The following NTF3 variants were observed in gnomAD, a reference collection of about 807,000 sequenced individuals.
NTF3 encodes neurotrophin-3.
In NTF3, 8 loss-of-function variants were observed where a neutral mutation model predicts 26.3. That is an observed-to-expected ratio of 0.30 (90% CI 0.18 to 0.55). NTF3 has a LOEUF of 0.55. Ranked by LOEUF, NTF3 falls within the 20% of genes least tolerant of loss-of-function variation. The probability of loss-of-function intolerance (pLI) is 0.93; values close to 1 mark genes in which losing one functional copy is unlikely to be tolerated. For synonymous variants in NTF3, 154 were observed against 145.5 expected (o/e 1.06, Z -0.42); for missense variants, 276 against 352.9 (o/e 0.78, Z 1.75).
chr12:5,459,227 T>C (rs12301558), intron 1 of NTF3, among the ~76,000 whole-genome samples: 2,534 of 152,292 alleles, frequency 0.017, 86 homozygotes, highest in African/African-American at 0.057. Flanking sequence ...TCAAATGAGA[T>C]GACGTCAGAG....
chr12:5,491,961 A>G (rs867315085), intron 1 of NTF3, among the ~76,000 whole-genome samples: 2 of 151,662 alleles, frequency 1.3e-5, no homozygotes, highest in Admixed American at 1.3e-4. Flanking sequence ...TGATCCACCC[A>G]CCTCGGCCTC....
At chr12:5,431,268 T>A (rs1017057880), upstream of NTF3, among the ~76,000 whole-genome samples, 5 of 152,070 alleles carry the variant, frequency 3.3e-5, no homozygotes, top group African/African-American at 1.2e-4. Flanking sequence ...GGCGAGTGAT[T>A]AGCTGCAGGG....
intron 1 of NTF3, among the ~76,000 whole-genome samples, chr12:5,440,248 A>C (rs1419304734): frequency 6.6e-6 from 1 of 152,226 alleles, no homozygotes. Flanking sequence ...CTATTAGACC[A>C]TAGGTACTCA....
chr12:5,486,267 A>T (rs1565396720), intron 1 of NTF3, among the ~76,000 whole-genome samples: 2 of 152,200 alleles, frequency 1.3e-5, no homozygotes, highest in African/African-American at 2.4e-5. Context: ...TGATGCACAC[A>T]AAAAAGGTTT....
intron 1 of NTF3, among the ~76,000 whole-genome samples, chr12:5,471,569 G>A (rs1336015432): frequency 6.6e-6 from 1 of 151,750 alleles, no homozygotes; most frequent in African/African-American, 2.4e-5. Flanking sequence ...TTTATTGCAG[G>A]CATCTCTTTC....
At chr12:5,446,094 C>T (rs1392822808) in intron 1 of NTF3, among the ~76,000 whole-genome samples, 2 of 152,122 alleles carry the variant, frequency 1.3e-5, no homozygotes, top group African/African-American at 4.8e-5. Context: ...CGTAGTTCCC[C>T]TGACAGCTCC....
At chr12:5,490,925 G>A (rs1051894694) in intron 1 of NTF3, among the ~76,000 whole-genome samples, 5 of 152,338 alleles carry the variant, frequency 3.3e-5, no homozygotes, top group Non-Finnish European at 5.9e-5. Context: ...GGGCAGGTGT[G>A]CACCATCTCC....
At chr12:5,487,120 T>C (rs1407474556) in intron 1 of NTF3, among the ~76,000 whole-genome samples, 1 of 152,206 alleles carries the variant, frequency 6.6e-6, no homozygotes, top group Non-Finnish European at 1.5e-5. Flanking sequence ...AAAGTAAACC[T>C]GAGTTTCCTG....
At chr12:5,475,810 T>A (rs747612915) in intron 1 of NTF3, among the ~76,000 whole-genome samples, 3 of 141,042 alleles carry the variant, frequency 2.1e-5, no homozygotes, top group Non-Finnish European at 3.0e-5. Context: ...CACTCTAGAC[T>A]GAGTGACAGA....
intron 1 of NTF3, among the ~76,000 whole-genome samples, chr12:5,432,556 T>TACACACACACAC (rs57075143): frequency 1.6e-5 from 2 of 123,996 alleles, no homozygotes; most frequent in Non-Finnish European, 3.4e-5. Context: ...GCCACCCCGC[T>TACACACACACAC]ACACACACAC....
At chr12:5,481,609 A>T (rs1940800418) in intron 1 of NTF3, among the ~76,000 whole-genome samples, 1 of 111,162 alleles carries the variant, frequency 9.0e-6, no homozygotes, top group South Asian at 3.1e-4. Context: ...ACACATACAG[A>T]CACACAGACA....
intron 1 of NTF3, among the ~76,000 whole-genome samples, chr12:5,455,278 T>C (rs1940424053): frequency 6.6e-6 from 1 of 152,178 alleles, no homozygotes; most frequent in Non-Finnish European, 1.5e-5. Context: ...ATGATCCCCA[T>C]TAGTATTCTT....
intron 1 of NTF3, among the ~76,000 whole-genome samples, chr12:5,486,725 G>A (rs1244926904): frequency 6.6e-6 from 1 of 152,198 alleles, no homozygotes; most frequent in Non-Finnish European, 1.5e-5. Context: ...CACACTTAGA[G>A]ATTGGAGTAA....
chr12:5,489,415 T>C (rs138450540), intron 1 of NTF3, among the ~76,000 whole-genome samples: 153 of 152,208 alleles, frequency 1.0e-3, no homozygotes, highest in Middle Eastern at 3.4e-3. Flanking sequence ...TCATCATTAA[T>C]AACATGAGCT....
Position 5,432,254 on chromosome 12 carries a change from C to T in NTF3, c.-71C>T. The T allele has an allele frequency of 6.4e-7, 1 of 1,572,610 alleles. No homozygotes were observed. The highest frequency in any genetic ancestry group is 8.7e-7 in the Non-Finnish European group (1 of 1,143,970). On this transcript the variant is annotated 5_prime_UTR_variant, in exon 1 of 2. Transcript: ENST00000423158. ...AGTGGCTGCGGCGGGGTGGGGGAGACTTTGAATGACCGAGCTCGCGTCCAC... is the reference window on the plus strand; with the variant it reads ...AGTGGCTGCGGCGGGGTGGGGGAGATTTTGAATGACCGAGCTCGCGTCCAC...
intron 1 of NTF3, among the ~76,000 whole-genome samples, chr12:5,493,822 G>A (rs1217534811): frequency 4.7e-4 from 72 of 152,160 alleles, no homozygotes; most frequent in Non-Finnish European, 1.5e-5. Flanking sequence ...ACAATTCTCA[G>A]GTTTGAAGTT....
chr12:5,438,850 T>C (rs1196172787), intron 1 of NTF3, among the ~76,000 whole-genome samples: 2 of 152,212 alleles, frequency 1.3e-5, no homozygotes, highest in African/African-American at 4.8e-5. Flanking sequence ...CCCAGTCCCA[T>C]TCCAGCCCTG....
intron 1 of NTF3, among the ~76,000 whole-genome samples, chr12:5,441,300 T>C (rs1940233018): frequency 6.6e-6 from 1 of 152,174 alleles, no homozygotes; most frequent in African/African-American, 2.4e-5. Context: ...TCTGGACAAA[T>C]GCGTGGATGG....
upstream of NTF3, among the ~76,000 whole-genome samples, chr12:5,430,570 C>T (rs1288431798): frequency 6.6e-6 from 1 of 151,576 alleles, no homozygotes; most frequent in Non-Finnish European, 1.5e-5. Context: ...CTATCTAGTA[C>T]GCAGCCCCCA....
Sources: allele counts gnomAD v4.1 joint callset (sites outside exome capture counted in the v4.1 genomes callset), GRCh38; gene constraint gnomAD v4.1.1; transcripts MANE v1.5; gene names NCBI Gene and HGNC (gene_info 2026-07-23, HGNC 2026-07-21).